Variants in AQP7B observed in about 807,000 individuals in gnomAD.
The protein encoded by AQP7B is aquaporin 7B, also known as putative aquaporin-7B.
At chr2:94,604,607 A>C in the AQP7B span, 2 of 1,524,018 alleles carry the variant, frequency 1.3e-6, no homozygotes, top group Middle Eastern at 2.5e-4. Context: ...CCCTTCCCCA[A>C]TAAAGCAAAG....
At chr2:94,594,803 G>A in the AQP7B span, 1 of 1,570,502 alleles carries the variant, frequency 6.4e-7, no homozygotes, top group Admixed American at 1.7e-5. Context: ...CAGGAAATAT[G>A]GTGCGAGGAA....
chr2:94,602,016 G>GGTGTGTGT, the AQP7B span, among the ~76,000 whole-genome samples: 1 of 119,674 alleles, frequency 8.4e-6, no homozygotes, highest in East Asian at 2.6e-4. Flanking sequence ...GAATTGCGGC[G>GGTGTGTGT]GAGTGTGTGT....
the AQP7B span, among the ~76,000 whole-genome samples, chr2:94,591,080 G>A: frequency 2.6e-4 from 39 of 152,002 alleles, no homozygotes; most frequent in Non-Finnish European, 1.9e-4. Flanking sequence ...TTGTAGGCTG[G>A]CTTTCTTGGG....
the AQP7B span, among the ~76,000 whole-genome samples, chr2:94,602,185 G>A: frequency 1.3e-5 from 2 of 151,962 alleles, no homozygotes; most frequent in East Asian, 1.9e-4. Flanking sequence ...CCTCCTTGCA[G>A]CCCTGCCTCA....
the AQP7B span, chr2:94,594,898 G>T: frequency 7.4e-7 from 1 of 1,356,844 alleles, no homozygotes; most frequent in East Asian, 2.3e-5. Flanking sequence ...AGCACGAAGT[G>T]GGTGGGGCTC....
chr2:94,588,085 C>T, the AQP7B span, among the ~76,000 whole-genome samples: 1 of 151,382 alleles, frequency 6.6e-6, no homozygotes, highest in Non-Finnish European at 1.5e-5. Context: ...TGTGTGTGTG[C>T]ATGTGTGCAT....
At chr2:94,602,925 G>A in the AQP7B span, 125 of 1,282,896 alleles carry the variant, frequency 9.7e-5, no homozygotes, top group Non-Finnish European at 1.2e-4. Flanking sequence ...CAAGGAGAGA[G>A]CTCTGTCACA....
chr2:94,603,061 C>G, the AQP7B span: 45 of 1,597,228 alleles, frequency 2.8e-5, no homozygotes, highest in Admixed American at 1.4e-4. Flanking sequence ...GCAGCTGTGA[C>G]CTTCACTAAC....
At chr2:94,587,622 C>G in the AQP7B span, among the ~76,000 whole-genome samples, 1 of 152,132 alleles carries the variant, frequency 6.6e-6, no homozygotes, top group Non-Finnish European at 1.5e-5. Flanking sequence ...CTCTGGGCCT[C>G]AGTTTCCTTA....
At chr2:94,599,444 CT>C in the AQP7B span, among the ~76,000 whole-genome samples, 75 of 148,300 alleles carry the variant, frequency 5.1e-4, no homozygotes, top group African/African-American at 6.4e-4. Flanking sequence ...TGTACTCTGA[CT>C]TTTTTTTTTT....
the AQP7B span, among the ~76,000 whole-genome samples, chr2:94,601,428 C>T: frequency 6.6e-6 from 1 of 152,194 alleles, no homozygotes; most frequent in Non-Finnish European, 1.5e-5. Context: ...CTGGCTCCCC[C>T]ACAGAGGTGA....
chr2:94,591,288 A>G, the AQP7B span, among the ~76,000 whole-genome samples: 2 of 152,012 alleles, frequency 1.3e-5, no homozygotes, highest in African/African-American at 4.8e-5. Context: ...CTCCTTGTCC[A>G]TTCTCCCACA....
chr2:94,592,231 G>A, the AQP7B span, among the ~76,000 whole-genome samples: 2 of 152,098 alleles, frequency 1.3e-5, no homozygotes, highest in African/African-American at 2.4e-5. Context: ...GCCCTGCTAG[G>A]GAGAGCAGCA....
At chr2:94,593,902 C>T in the AQP7B span, among the ~76,000 whole-genome samples, 1 of 152,184 alleles carries the variant, frequency 6.6e-6, no homozygotes, top group East Asian at 1.9e-4. Flanking sequence ...ATCTACCTTT[C>T]CATCTAACCA....
At chr2:94,594,388 A>G in the AQP7B span, among the ~76,000 whole-genome samples, 5 of 152,192 alleles carry the variant, frequency 3.3e-5, no homozygotes, top group African/African-American at 9.6e-5. Flanking sequence ...ACTGAGCTCT[A>G]CTTTCCAGCC....
the AQP7B span, among the ~76,000 whole-genome samples, chr2:94,595,621 C>A: frequency 6.6e-6 from 1 of 151,852 alleles, no homozygotes; most frequent in Non-Finnish European, 1.5e-5. Context: ...ACAGGCAAGG[C>A]TGGCAAGAGG....
the AQP7B span, among the ~76,000 whole-genome samples, chr2:94,596,919 C>T: frequency 6.6e-6 from 1 of 152,142 alleles, no homozygotes. Context: ...AGACTGGTCT[C>T]GAACTCCCGA....
chr2:94,601,845 T>A, the AQP7B span, among the ~76,000 whole-genome samples: 4 of 152,018 alleles, frequency 2.6e-5, no homozygotes. Flanking sequence ...GGCTCTAGAC[T>A]GAGGGTAATG....
the AQP7B span, chr2:94,602,491 G>T: frequency 1.9e-6 from 3 of 1,603,904 alleles, no homozygotes; most frequent in Non-Finnish European, 1.7e-6. Flanking sequence ...CTCCCTTGTA[G>T]GTATTCGGCC....
Sources: gnomAD v4.1 joint callset for allele counts (sites outside exome capture counted in the v4.1 genomes callset) on GRCh38, gnomAD v4.1.1 for gene constraint, MANE v1.5 for transcripts, NCBI Gene and HGNC (gene_info 2026-07-23, HGNC 2026-07-21) for gene names.